ARHGAP10: variants seen among roughly 807,000 people sequenced by gnomAD.
ARHGAP10 encodes the protein Rho GTPase activating protein 10, also known as rho GTPase-activating protein 10.
Under a neutral mutation model 108.6 loss-of-function variants are expected in ARHGAP10, and 87 were observed. The observed-to-expected ratio is 0.80, with a 90% CI of 0.67 to 0.96. ARHGAP10 has a LOEUF of 0.96. Among genes scored for constraint, ARHGAP10 ranks in the 40% least tolerant of loss-of-function variants. The probability of loss-of-function intolerance (pLI) is 0.00; values close to 1 mark genes in which losing one functional copy is unlikely to be tolerated. For missense variants in ARHGAP10, 939 were observed against 954.5 expected, an observed-to-expected ratio of 0.98 and a Z score of 0.21; for synonymous variants, 347 against 341.1, an observed-to-expected ratio of 1.02 and a Z score of -0.19.
intron 12 of ARHGAP10, among the ~76,000 whole-genome samples, chr4:147,911,994 C>CGT (rs36217593): frequency 0.015 from 2,007 of 135,308 alleles, 43 homozygotes; most frequent in African/African-American, 0.048. Context: ...AGAACATTCA[C>CGT]GTGTGTGTGT....
intron 18 of ARHGAP10, among the ~76,000 whole-genome samples, chr4:147,982,852 C>G (rs1739869681): frequency 6.6e-6 from 1 of 152,002 alleles, no homozygotes. Context: ...TTTACATAAT[C>G]TCGTATTTCT....
rs576539090 is a variant in ARHGAP10, at chr4:148,060,838, A to T, written c.2028-2310A>T. Among the ~76,000 whole-genome samples, 16 of 152,316 alleles carry T rather than the reference A, an allele frequency of 1.1e-4. No individual in the cohort carries two copies. The South Asian group carries it at 2.9e-3, about 28-fold the overall frequency. ...GGTGAACCGGTTAGTGCTAGATCACATAGCGCATGTGTTAAATAGCAACAG... is the reference window on the plus strand; with the variant it reads ...GGTGAACCGGTTAGTGCTAGATCACTTAGCGCATGTGTTAAATAGCAACAG... On this transcript the variant is annotated intron_variant, in intron 20 of 22. Coordinates refer to ENST00000336498, the MANE Select transcript of ARHGAP10 (RefSeq NM_024605.4).
At chr4:147,915,505 A>G (rs1414843854) in intron 13 of ARHGAP10, among the ~76,000 whole-genome samples, 2 of 152,192 alleles carry the variant, frequency 1.3e-5, no homozygotes, top group East Asian at 3.8e-4. Flanking sequence ...GAATAGATGC[A>G]GATCTATCTA....
At chr4:148,045,973 G>A (rs868332056) in intron 19 of ARHGAP10, among the ~76,000 whole-genome samples, 1 of 152,208 alleles carries the variant, frequency 6.6e-6, no homozygotes, top group African/African-American at 2.4e-5. Context: ...GGCCAAGTCA[G>A]TGCCATCTTT....
chr4:147,808,338 T>C (rs77515906), intron 1 of ARHGAP10, among the ~76,000 whole-genome samples: 3 of 151,862 alleles, frequency 2.0e-5, no homozygotes, highest in Admixed American at 6.6e-5. Flanking sequence ...TTTTTTTTTT[T>C]CCAGGAACAG....
At chr4:147,832,377 G>A (rs1015327917) in intron 3 of ARHGAP10, among the ~76,000 whole-genome samples, 9 of 151,046 alleles carry the variant, frequency 6.0e-5, no homozygotes, top group African/African-American at 2.2e-4. Flanking sequence ...GTCCAGGCAC[G>A]GTAGCTCACG....
chr4:147,790,511 A>G (rs992075203), intron 1 of ARHGAP10, among the ~76,000 whole-genome samples: 4 of 152,244 alleles, frequency 2.6e-5, no homozygotes, highest in African/African-American at 9.6e-5. Flanking sequence ...GTAACAAAAC[A>G]TTTGAAAATA....
intron 19 of ARHGAP10, among the ~76,000 whole-genome samples, chr4:148,043,746 G>GTATATATGTATATATATGTGTA (rs1728751532): frequency 2.9e-5 from 4 of 137,812 alleles, no homozygotes; most frequent in Non-Finnish European, 4.7e-5. Context: ...GTATATATAT[G>GTATATATGTATATATATGTGTA]TATATATGTA....
At chr4:147,855,190 CAG>C (rs141507521) in intron 4 of ARHGAP10, among the ~76,000 whole-genome samples, 2,307 of 152,316 alleles carry the variant, frequency 0.015, 60 homozygotes, top group African/African-American at 0.052. Context: ...GTCTGAGAAA[CAG>C]ATGCTCAGAG....
intron 3 of ARHGAP10, among the ~76,000 whole-genome samples, chr4:147,843,355 C>T (rs560241571): frequency 6.6e-6 from 1 of 152,262 alleles, no homozygotes; most frequent in Non-Finnish European, 1.5e-5. Context: ...TCTCTACTGC[C>T]CCACCTGGTC....
intron 1 of ARHGAP10, among the ~76,000 whole-genome samples, chr4:147,742,723 G>A (rs764899289): frequency 2.0e-5 from 3 of 151,718 alleles, no homozygotes; most frequent in Non-Finnish European, 4.4e-5. Context: ...TGACCTCAGT[G>A]ATCCGCCTCT....
chr4:147,749,651 T>C (rs2126690185), intron 1 of ARHGAP10, among the ~76,000 whole-genome samples: 1 of 152,376 alleles, frequency 6.6e-6, no homozygotes, highest in South Asian at 2.1e-4. Flanking sequence ...AATTATTTTC[T>C]TCTGAAACTG....
At chr4:148,046,869 T>G (rs1560891111) in intron 19 of ARHGAP10, 23 bp from the exon 20 acceptor site, 2 of 1,602,776 alleles carry the variant, frequency 1.2e-6, no homozygotes, top group Non-Finnish European at 8.5e-7. Context: ...TTGTTTGATA[T>G]TCAATGCTTT....
At position 147,784,195 on chromosome 4, in the gene ARHGAP10, GTGTATTA is replaced by G. The variant is rs1730704982; in HGVS notation, c.155-38530_155-38524del. Among the ~76,000 whole-genome samples the G allele has an allele frequency of 1.5e-4, 11 of 75,844 alleles. 1 individual carries two copies. In the South Asian group the frequency reaches 6.6e-3, roughly 45 times the overall value. 49.8% of individuals were successfully genotyped at this position (75,844 alleles called of 152,430 possible). A position where few individuals can be genotyped will look rare whatever the true frequency, so the allele number is the denominator to read the frequency against. On this transcript the variant is annotated intron_variant, in intron 1 of 22. Transcript: ENST00000336498. Reference sequence around the variant, plus strand: ...TATATATTTTACATAACATTAAATTGTGTATTATATATTTTACATAACATTAAATTGT... The same window carrying G: ...TATATATTTTACATAACATTAAATTGTATATTTTACATAACATTAAATTGT...
intron 1 of ARHGAP10, among the ~76,000 whole-genome samples, chr4:147,820,339 G>A (rs969534064): frequency 1.3e-5 from 2 of 152,144 alleles, no homozygotes; most frequent in Admixed American, 6.5e-5. Context: ...AGGCTGGAGT[G>A]CAGTGGTGTG....
At chr4:147,959,534 C>G (rs915015990) in intron 16 of ARHGAP10, among the ~76,000 whole-genome samples, 13 of 151,980 alleles carry the variant, frequency 8.6e-5, no homozygotes, top group African/African-American at 3.1e-4. Flanking sequence ...CACCCCACGA[C>G]AGGCCCAGGT....
intron 1 of ARHGAP10, among the ~76,000 whole-genome samples, chr4:147,788,749 G>C (rs747681479): frequency 6.6e-5 from 10 of 152,166 alleles, no homozygotes; most frequent in Non-Finnish European, 1.2e-4. Flanking sequence ...CAATATTCTT[G>C]AGGTATTTGC....
chr4:147,785,212 T>A (rs917546447), intron 1 of ARHGAP10, among the ~76,000 whole-genome samples: 2 of 151,718 alleles, frequency 1.3e-5, no homozygotes, highest in Non-Finnish European at 2.9e-5. Flanking sequence ...TCACTAAATC[T>A]AAAAATAAAA....
At chr4:147,895,785 C>T (rs755786647) in intron 10 of ARHGAP10, among the ~76,000 whole-genome samples, 2 of 151,954 alleles carry the variant, frequency 1.3e-5, no homozygotes, top group African/African-American at 2.4e-5. Context: ...GCCTGTAAAA[C>T]GTTTGGCAGA....
Sources: allele counts gnomAD v4.1 joint callset (sites outside exome capture counted in the v4.1 genomes callset), GRCh38; gene constraint gnomAD v4.1.1; transcripts MANE v1.5; gene names NCBI Gene and HGNC (gene_info 2026-07-23, HGNC 2026-07-21).